EHD3: variants seen among roughly 807,000 people sequenced by gnomAD.
The protein encoded by EHD3 is EH domain containing 3.
In EHD3, 17 loss-of-function variants were observed where a neutral mutation model predicts 43.0. The observed-to-expected ratio is 0.40, with a 90% confidence interval of 0.27 to 0.59. The LOEUF (loss-of-function observed/expected upper bound fraction) is 0.59. Ranked by LOEUF, EHD3 falls within the 20% of genes least tolerant of loss-of-function variation. EHD3 has a pLI of 0.49. For missense variants in EHD3, 594 were observed against 705.6 expected (o/e 0.84, Z 1.79); for synonymous variants, 313 against 289.5 (o/e 1.08, Z -0.82).
rs139270454 is a variant in EHD3 at position 31,246,403 on chromosome 2, C to T, written c.404+1953C>T. On this transcript the variant is annotated intron_variant, in intron 2 of 5. Transcript: ENST00000322054. ...CAGTGTTAGTGAGTCAGCTGAGGAG[C>T]ATCGTCCTATCTGAAGGCAGAGAGG... Among the ~76,000 whole-genome samples, 394 of 152,042 alleles carry T rather than the reference C, an allele frequency of 2.6e-3. 3 individuals are homozygous for T. Among genetic ancestry groups the T allele is most frequent in the African/African-American group, 9.1e-3 (378 of 41,468 alleles).
chr2:31,262,593 C>T (rs1281842920), intron 5 of EHD3, among the ~76,000 whole-genome samples: 1 of 152,198 alleles, frequency 6.6e-6, no homozygotes, highest in Admixed American at 6.5e-5. Flanking sequence ...ACCCACTGTA[C>T]AATGTTTGCA....
At position 31,266,364 on chromosome 2, in the gene EHD3, G is replaced by A. The variant is rs1208174510; in HGVS notation, c.1268G>A (p.Gly423Glu). ...AFEGTLHGPFGHGYGEGAGEG... is the reference protein window; with the variant it reads ...AFEGTLHGPFEHGYGEGAGEG... Reference sequence around the variant, plus strand: ...GAGGGCACCCTGCACGGCCCCTTTGGGCATGGCTATGGGGAGGGGGCTGGA... The same window carrying A: ...GAGGGCACCCTGCACGGCCCCTTTGAGCATGGCTATGGGGAGGGGGCTGGA... The change falls in exon 6 of 6, where the codon GGG (glycine) becomes GAG (glutamate). Residue 423 changes from glycine (G) to glutamate (E), a missense_variant. Gly to Glu is a moderately conservative substitution (Grantham distance 98, BLOSUM62 -2). Coordinates refer to ENST00000322054, the MANE Select transcript of EHD3 (RefSeq NM_014600.3). The surrounding 1 kb of genome is among the most constrained non-coding windows in gnomAD (Gnocchi z 5.1). 1 of 1,614,168 alleles carries A rather than the reference G, an allele frequency of 6.2e-7. No individual in the cohort carries two copies. Among genetic ancestry groups the A allele is most frequent in the Non-Finnish European group, 8.5e-7 (1 of 1,180,006 alleles).
intron 1 of EHD3, among the ~76,000 whole-genome samples, chr2:31,239,831 T>C (rs1474109138): frequency 2.1e-5 from 2 of 93,760 alleles, no homozygotes; most frequent in African/African-American, 5.0e-5. Context: ...TCATTTCCTC[T>C]CCTCTCTCGA....
chr2:31,262,125 CA>C (rs773030399), intron 5 of EHD3, among the ~76,000 whole-genome samples: 8 of 152,226 alleles, frequency 5.3e-5, no homozygotes, highest in Non-Finnish European at 1.0e-4. Context: ...CAATCTGGGA[CA>C]CGAGCTTCGG....
At chr2:31,244,129 C>T in intron 1 of EHD3, 145 bp from the exon 2 acceptor site, 2 of 637,364 alleles carry the variant, frequency 3.1e-6, no homozygotes, top group Non-Finnish European at 5.0e-6. Flanking sequence ...ACTTGTTATC[C>T]AGCAGGCATT....
intron 3 of EHD3, among the ~76,000 whole-genome samples, chr2:31,252,735 G>A (rs1683663165): frequency 6.6e-6 from 1 of 152,170 alleles, no homozygotes; most frequent in Non-Finnish European, 1.5e-5. Context: ...TAGGCCCTTG[G>A]TGTTCTTGCC....
At chr2:31,257,625 G>A (rs963504084) in intron 3 of EHD3, among the ~76,000 whole-genome samples, 20 of 152,188 alleles carry the variant, frequency 1.3e-4, no homozygotes, top group African/African-American at 4.6e-4. Context: ...TGTCGTGAGG[G>A]TGACATGAGA....
chr2:31,244,553 G>A (rs60849418), intron 2 of EHD3, 103 bp downstream of exon 2: 6 of 1,270,222 alleles, frequency 4.7e-6, no homozygotes, highest in South Asian at 1.5e-5. Flanking sequence ...TTGGTGCCTA[G>A]AGTCTCCTGT....
chr2:31,246,956 G>A (rs2148718207), intron 2 of EHD3, among the ~76,000 whole-genome samples: 1 of 152,024 alleles, frequency 6.6e-6, no homozygotes, highest in African/African-American at 2.4e-5. Flanking sequence ...AAGTGCAGTG[G>A]CATGATCTCA....
At chr2:31,244,768 G>A (rs113622538) in intron 2 of EHD3, among the ~76,000 whole-genome samples, 2 of 152,276 alleles carry the variant, frequency 1.3e-5, no homozygotes, top group African/African-American at 4.8e-5. Flanking sequence ...CCCAGTATTT[G>A]CCTAAATATT....
intron 3 of EHD3, among the ~76,000 whole-genome samples, chr2:31,255,856 C>T (rs2148721348): frequency 6.6e-6 from 1 of 152,306 alleles, no homozygotes; most frequent in African/African-American, 2.4e-5. Flanking sequence ...CTTGGCCTGT[C>T]CTCAGGCAGA....
At chr2:31,250,149 C>G (rs1308317447) in intron 3 of EHD3, among the ~76,000 whole-genome samples, 2 of 151,854 alleles carry the variant, frequency 1.3e-5, no homozygotes, top group African/African-American at 4.8e-5. Context: ...ATCCATCTTA[C>G]AGAGTTGTTT....
chr2:31,258,366 G>A (rs1289269977), intron 3 of EHD3, among the ~76,000 whole-genome samples: 1 of 152,072 alleles, frequency 6.6e-6, no homozygotes, highest in Non-Finnish European at 1.5e-5. Context: ...TCCTAAATAT[G>A]TACCCCACTG....
Position 31,260,959 on chromosome 2 carries a change from G to C in EHD3, c.915+37G>C. The C allele has an allele frequency of 6.4e-7, 1 of 1,552,800 alleles. No homozygotes were observed. The highest frequency in any genetic ancestry group is 8.7e-7 in the Non-Finnish European group (1 of 1,153,342). ...CCCTGGGAGGTGGGCAGCTTGGGCA[G>C]GGGCCCAGAGTTTGGGGTCAGCTGC... On this transcript the variant is annotated intron_variant, in intron 4 of 5. Coordinates refer to ENST00000322054, the MANE Select transcript of EHD3 (RefSeq NM_014600.3). The surrounding 1 kb of genome is among the most constrained non-coding windows in gnomAD (Gnocchi z 4.6).
In EHD3 at chr2:31,266,433, C is replaced by G; in HGVS notation, c.1337C>G (p.Pro446Arg). ...GAGTGGGTGGTGGCCAGGGACAAGCCCATGTACGACGAGATCTTCTACACC... is the reference window on the plus strand; with the variant it reads ...GAGTGGGTGGTGGCCAGGGACAAGCGCATGTACGACGAGATCTTCTACACC... ...DAEWVVARDK[P>R]MYDEIFYTLS... The change falls in exon 6 of 6, where the codon CCC becomes CGC. Residue 446 changes from proline (P) to arginine (R), a missense_variant. Coordinates refer to ENST00000322054, the MANE Select transcript of EHD3 (RefSeq NM_014600.3). This position sits in a 1 kb window ranked among gnomAD's most constrained non-coding sequence, Gnocchi z 5.1. 1 of 1,613,800 alleles carries G rather than the reference C, an allele frequency of 6.2e-7. No individual in the cohort carries two copies. The highest frequency in any genetic ancestry group is 8.5e-7 in the Non-Finnish European group (1 of 1,179,912).
intron 2 of EHD3, among the ~76,000 whole-genome samples, chr2:31,245,528 A>AATATAT (rs775189280): frequency 1.3e-3 from 94 of 75,026 alleles, no homozygotes; most frequent in African/African-American, 2.7e-3. Flanking sequence ...TCTTATCCCA[A>AATATAT]ATATATATAT....
chr2:31,265,593 G>A (rs1260832742), intron 5 of EHD3, among the ~76,000 whole-genome samples: 7 of 152,312 alleles, frequency 4.6e-5, no homozygotes, highest in African/African-American at 1.7e-4. Context: ...TTTGGCTTCT[G>A]TTATGATTTG....
At chr2:31,258,583 C>CA (rs1397236091) in intron 3 of EHD3, among the ~76,000 whole-genome samples, 1 of 152,218 alleles carries the variant, frequency 6.6e-6, no homozygotes, top group East Asian at 1.9e-4. Context: ...CATTGCTTAC[C>CA]AGCTGGGTGA....
At position 31,245,889 on chromosome 2, in the gene EHD3, T is replaced by C. The variant is rs866047372; in HGVS notation, c.404+1439T>C. 8.6e-5 allele frequency among the ~76,000 whole-genome samples: 13 copies of C among 152,026 alleles called. No homozygotes were observed. The South Asian group carries it at 1.7e-3, about 19-fold the overall frequency. ...AGCCACCGTGCCTGGCCCCAAATAA[T>C]ATTTTTTATAAACCTATGAACTTGT... On this transcript the variant is annotated intron_variant, in intron 2 of 5. Transcript: ENST00000322054.
Sources: allele counts gnomAD v4.1 joint callset (sites outside exome capture counted in the v4.1 genomes callset), GRCh38; gene constraint gnomAD v4.1.1; non-coding constraint Gnocchi (gnomAD v3.1); transcripts MANE v1.5; gene names NCBI Gene and HGNC (gene_info 2026-07-23, HGNC 2026-07-21).